Variants in TMEM132D observed in about 807,000 individuals in gnomAD.
TMEM132D encodes mature OL transmembrane protein.
In TMEM132D, 21 loss-of-function variants were observed where a neutral mutation model predicts 62.3. The observed-to-expected ratio is 0.34, with a 90% CI of 0.24 to 0.49. The LOEUF (loss-of-function observed/expected upper bound fraction) is 0.49, where lower values mean the gene tolerates loss of function less well. Among genes scored for constraint, TMEM132D ranks in the 20% least tolerant of loss-of-function variants. TMEM132D has a pLI of 0.99. For missense variants in TMEM132D, 1,346 were observed against 1,402.8 expected, an observed-to-expected ratio of 0.96 and a Z score of 0.65; for synonymous variants, 621 against 575.6, an observed-to-expected ratio of 1.08 and a Z score of -1.13.
chr12:129,374,748 C>A (rs540150321), intron 3 of TMEM132D, among the ~76,000 whole-genome samples: 1 of 152,176 alleles, frequency 6.6e-6, no homozygotes, highest in Non-Finnish European at 1.5e-5. Context: ...TTAGACACAG[C>A]TTGCCTTACT....
chr12:129,833,863 C>T (rs1248984086), intron 1 of TMEM132D, among the ~76,000 whole-genome samples: 3 of 152,064 alleles, frequency 2.0e-5, no homozygotes, highest in African/African-American at 2.4e-5. Context: ...CTGGGGATCT[C>T]GGCTGTTGTT....
intron 2 of TMEM132D, among the ~76,000 whole-genome samples, chr12:129,682,403 G>C (rs1468542238): frequency 2.0e-5 from 3 of 152,118 alleles, no homozygotes; most frequent in Non-Finnish European, 2.9e-5. Flanking sequence ...AAAGTGTCAC[G>C]ACAGGTGCCC....
chr12:129,903,292 T>C lies in TMEM132D; in HGVS notation c.48A>G (p.Val16=). Residue 16 remains valine (V), a synonymous_variant, in exon 1 of 9, where the codon GTA becomes GTG. Transcript: ENST00000422113. The surrounding 1 kb of genome is among the most constrained non-coding windows in gnomAD (Gnocchi z 6.2). ...AAAACAGGGCGGCCAGGCTGATGAG[T>C]ACCGGCGACCAGTGGTGCCACAGCG... ...MGTLWHHWSP[V]LISLAALFSK... is the part of the protein sequence containing the mutation. 1 of 1,554,440 alleles carries C rather than the reference T, an allele frequency of 6.4e-7. No individual in the cohort carries two copies. Among genetic ancestry groups the C allele is most frequent in the African/African-American group, 1.4e-5 (1 of 73,234 alleles).
At chr12:129,342,378 A>G (rs1212995109) in intron 3 of TMEM132D, among the ~76,000 whole-genome samples, 2 of 151,998 alleles carry the variant, frequency 1.3e-5, no homozygotes, top group Non-Finnish European at 1.5e-5. Context: ...CCATATGTAG[A>G]AAGCTGAAAC....
chr12:129,081,684 G>T lies in TMEM132D; in HGVS notation c.1923+75C>A. 2.0e-6 allele frequency: 3 copies of T among 1,494,976 alleles called. No homozygotes were observed. In the South Asian group the frequency reaches 4.1e-5, roughly 20 times the overall value. 92.6% of individuals were successfully genotyped at this position (1,494,976 alleles called of 1,614,324 possible). ...CCATTCCCAGCAATGACAAACAGCT[G>T]GTTTCTCCTCTAGGTAGAGCAGAGG... On this transcript the variant is annotated intron_variant, in intron 7 of 8. Coordinates refer to ENST00000422113, the MANE Select transcript of TMEM132D (RefSeq NM_133448.3).
intron 2 of TMEM132D, among the ~76,000 whole-genome samples, chr12:129,613,530 C>T (rs761451358): frequency 1.3e-5 from 2 of 152,228 alleles, no homozygotes; most frequent in African/African-American, 4.8e-5. Context: ...TTGTTCACAT[C>T]GCTGCTTGAC....
At chr12:129,106,719 C>A (rs948038215) in intron 5 of TMEM132D, among the ~76,000 whole-genome samples, 1 of 152,078 alleles carries the variant, frequency 6.6e-6, no homozygotes, top group Non-Finnish European at 1.5e-5. Flanking sequence ...GGTCGTGTGG[C>A]GTGCTCTGGC....
chr12:129,580,233 C>T (rs61943504), intron 2 of TMEM132D, among the ~76,000 whole-genome samples: 42,321 of 152,016 alleles, frequency 0.28, 7,378 homozygotes, highest in Non-Finnish European at 0.4. Context: ...GAAAAAAACT[C>T]GGGTCGAAAA....
chr12:129,873,123 G>A (rs780666010), intron 1 of TMEM132D, among the ~76,000 whole-genome samples: 12 of 152,234 alleles, frequency 7.9e-5, no homozygotes, highest in East Asian at 5.8e-4. Flanking sequence ...AAATTCTTGC[G>A]CCCCAATTAT....
intron 1 of TMEM132D, among the ~76,000 whole-genome samples, chr12:129,803,776 AATAG>A (rs1342695608): frequency 9.9e-5 from 15 of 152,130 alleles, no homozygotes; most frequent in South Asian, 4.1e-4. Flanking sequence ...GGATCAACAA[AATAG>A]ATAGACCGCT....
chr12:129,700,372 C>T lies in TMEM132D; in HGVS notation c.406G>A (p.Asp136Asn), dbSNP rs2137227063. 6.2e-7 allele frequency: 1 copy of T among 1,614,054 alleles called. No individual in the cohort carries two copies. The highest frequency in any genetic ancestry group is 8.5e-7 in the Non-Finnish European group (1 of 1,180,042). The part of the protein sequence containing the change: ...NWKLKAHILR[D>N]KVYLSRPKVQ... Reference sequence around the variant, plus strand: ...TTGGGCCGGCTCAGGTAGACTTTGTCCCGCAGGATGTGGGCTTTTAGTTTC... The same window carrying T: ...TTGGGCCGGCTCAGGTAGACTTTGTTCCGCAGGATGTGGGCTTTTAGTTTC... Residue 136 changes from aspartate (D) to asparagine (N), a missense_variant, in exon 2 of 9, where the codon GAC (aspartate) becomes AAC (asparagine). Coordinates refer to ENST00000422113, the MANE Select transcript of TMEM132D (RefSeq NM_133448.3).
At chr12:129,331,981 C>T (rs755145450) in intron 4 of TMEM132D, among the ~76,000 whole-genome samples, 7 of 152,144 alleles carry the variant, frequency 4.6e-5, no homozygotes, top group African/African-American at 1.4e-4. Flanking sequence ...GAGGCAGAGG[C>T]GGGTGGATTG....
At chr12:129,389,768 A>G (rs1399381010) in intron 3 of TMEM132D, among the ~76,000 whole-genome samples, 1 of 152,238 alleles carries the variant, frequency 6.6e-6, no homozygotes, top group African/African-American at 2.4e-5. Flanking sequence ...CACTTCATTC[A>G]TAAACAGCTC....
chr12:129,300,581 T>C (rs947466957), intron 4 of TMEM132D, among the ~76,000 whole-genome samples: 6 of 152,218 alleles, frequency 3.9e-5, no homozygotes, highest in African/African-American at 1.2e-4. Context: ...GGAAAGACTG[T>C]GTTCCTTCTG....
intron 5 of TMEM132D, among the ~76,000 whole-genome samples, chr12:129,089,130 C>CG (rs1325880695): frequency 2.5e-5 from 1 of 39,352 alleles, no homozygotes; most frequent in African/African-American, 2.2e-4. Context: ...CCTCTATGAC[C>CG]GGGTGTCCTC....
intron 4 of TMEM132D, among the ~76,000 whole-genome samples, chr12:129,284,128 C>T (rs541688973): frequency 3.9e-5 from 6 of 152,326 alleles, no homozygotes; most frequent in Admixed American, 2.0e-4. Flanking sequence ...TTTAGACCAT[C>T]GGGGACATTT....
At chr12:129,860,803 CAGG>C (rs1259731522) in intron 1 of TMEM132D, among the ~76,000 whole-genome samples, 1 of 152,098 alleles carries the variant, frequency 6.6e-6, no homozygotes, top group Non-Finnish European at 1.5e-5. Flanking sequence ...CACAGGGCAG[CAGG>C]AGAAAGAAGA....
chr12:129,108,125 G>T (rs1287371209), intron 5 of TMEM132D, among the ~76,000 whole-genome samples: 1 of 152,142 alleles, frequency 6.6e-6, no homozygotes, highest in East Asian at 1.9e-4. Context: ...CTGAAAATGT[G>T]CCAGACACTT....
chr12:129,351,860 C>T (rs189145160), intron 3 of TMEM132D, among the ~76,000 whole-genome samples: 2 of 152,308 alleles, frequency 1.3e-5, no homozygotes, highest in Admixed American at 6.5e-5. Context: ...AAGAACAACC[C>T]TCACCATACC....
Sources: allele counts gnomAD v4.1 joint callset (sites outside exome capture counted in the v4.1 genomes callset), GRCh38; gene constraint gnomAD v4.1.1; non-coding constraint Gnocchi (gnomAD v3.1); transcripts MANE v1.5; gene names NCBI Gene and HGNC (gene_info 2026-07-23, HGNC 2026-07-21).